SMOC2: variants seen among roughly 807,000 people sequenced by gnomAD.
SMOC2 encodes the protein SPARC related modular calcium binding 2, also known as SPARC-related modular calcium-binding protein 2.
A neutral mutation model predicts 61.4 loss-of-function variants in SMOC2; 39 were observed. The ratio of observed to expected loss-of-function variants is 0.64; its 90% CI spans 0.49 to 0.83. The LOEUF (loss-of-function observed/expected upper bound fraction) is 0.83. Among genes scored for constraint, SMOC2 ranks in the 40% least tolerant of loss-of-function variants. The pLI, the probability that SMOC2 is intolerant of heterozygous loss-of-function variation, is 0.00. For missense variants in SMOC2, 556 were observed against 592.9 expected (o/e 0.94, Z 0.65); for synonymous variants, 247 against 239.9 (o/e 1.03, Z -0.27).
chr6:168,456,030 G>C (rs985151494), intron 1 of SMOC2, among the ~76,000 whole-genome samples: 1 of 152,190 alleles, frequency 6.6e-6, no homozygotes, highest in Middle Eastern at 3.4e-3. Context: ...TCTGACTGCA[G>C]ACGCCTCATA....
chr6:168,543,755 A>C (rs1583096922), intron 5 of SMOC2, 83 bp downstream of exon 5: 1 of 1,299,032 alleles, frequency 7.7e-7, no homozygotes. Flanking sequence ...TAAAGTTGAA[A>C]CATCCACTAG....
intron 1 of SMOC2, among the ~76,000 whole-genome samples, chr6:168,450,271 A>G (rs1413565921): frequency 2.0e-5 from 3 of 152,240 alleles, no homozygotes; most frequent in Non-Finnish European, 4.4e-5. Context: ...GCCAGTCACC[A>G]TAGAGCGAAA....
chr6:168,460,059 C>T (rs1043041192), intron 1 of SMOC2, among the ~76,000 whole-genome samples: 2 of 152,162 alleles, frequency 1.3e-5, no homozygotes, highest in African/African-American at 2.4e-5. Context: ...TCATAGATAA[C>T]GTTTACTTTA....
chr6:168,519,384 T>C (rs1783270950), intron 2 of SMOC2, among the ~76,000 whole-genome samples: 1 of 152,180 alleles, frequency 6.6e-6, no homozygotes, highest in Admixed American at 6.5e-5. Flanking sequence ...GACACAGTTA[T>C]CAGAAGCAAC....
At chr6:168,635,870 C>CAAAAA (rs373754531) in intron 9 of SMOC2, among the ~76,000 whole-genome samples, 4 of 136,962 alleles carry the variant, frequency 2.9e-5, no homozygotes, top group African/African-American at 2.7e-5. Flanking sequence ...GACTCTGTCT[C>CAAAAA]AAAAAAAAAA....
intron 1 of SMOC2, among the ~76,000 whole-genome samples, chr6:168,472,534 TTG>T (rs1385165933): frequency 6.6e-6 from 1 of 152,062 alleles, no homozygotes; most frequent in Non-Finnish European, 1.5e-5. Flanking sequence ...GTATTGGAGA[TTG>T]TAGGATGGGC....
At chr6:168,474,446 A>C (rs1174974985) in intron 1 of SMOC2, among the ~76,000 whole-genome samples, 3 of 151,952 alleles carry the variant, frequency 2.0e-5, no homozygotes. Context: ...CCTCCTTTCC[A>C]GGCTCCAGCT....
chr6:168,444,062 T>C (rs1041579834), intron 1 of SMOC2, among the ~76,000 whole-genome samples: 1 of 152,216 alleles, frequency 6.6e-6, no homozygotes, highest in African/African-American at 2.4e-5. Context: ...ACCGTAATTA[T>C]CAATGCATAT....
At chr6:168,513,520 C>T (rs1583069572) in intron 2 of SMOC2, among the ~76,000 whole-genome samples, 5 of 152,106 alleles carry the variant, frequency 3.3e-5, no homozygotes, top group African/African-American at 1.2e-4. Flanking sequence ...CTCACATAAA[C>T]ACACACAAAC....
In SMOC2 at chr6:168,640,571, C is replaced by T. The variant is rs370001179; in HGVS notation, c.908-10110C>T. Among the ~76,000 whole-genome samples, 37 of 152,258 alleles carry T rather than the reference C, an allele frequency of 2.4e-4. 1 individual carries two copies. The highest frequency in any genetic ancestry group is 7.9e-4 in the African/African-American group (33 of 41,544). ...ATATTTTGAGTTTAGTAAAATGTAA[C>T]CTCACTTGAAATCAATCAAGGACAT... On this transcript the variant is annotated intron_variant, in intron 9 of 12. Coordinates refer to ENST00000356284, the MANE Select transcript of SMOC2 (RefSeq NM_001166412.2).
chr6:168,464,584 C>G (rs1354012644), intron 1 of SMOC2, among the ~76,000 whole-genome samples: 1 of 150,602 alleles, frequency 6.6e-6, no homozygotes, highest in Non-Finnish European at 1.5e-5. Context: ...TTTTAACATA[C>G]TTTCTGCATC....
chr6:168,495,379 G>A (rs894196804), intron 1 of SMOC2, among the ~76,000 whole-genome samples: 13 of 152,316 alleles, frequency 8.5e-5, no homozygotes, highest in Admixed American at 2.6e-4. Flanking sequence ...GACCTTGTCC[G>A]CGGCTCCCGG....
chr6:168,501,925 A>G (rs1166646617), intron 1 of SMOC2, among the ~76,000 whole-genome samples: 1 of 152,202 alleles, frequency 6.6e-6, no homozygotes. Context: ...CTGGCTGCAG[A>G]TACCTCACTC....
chr6:168,524,056 T>C (rs1279102542), intron 2 of SMOC2, among the ~76,000 whole-genome samples: 2 of 152,172 alleles, frequency 1.3e-5, no homozygotes, highest in Non-Finnish European at 1.5e-5. Context: ...GTATCAAGCA[T>C]ATAATGGCTT....
intron 7 of SMOC2, among the ~76,000 whole-genome samples, chr6:168,549,608 G>C (rs1029538023): frequency 1.3e-5 from 2 of 152,156 alleles, no homozygotes; most frequent in African/African-American, 4.8e-5. Flanking sequence ...GGAGGAAGAG[G>C]AGGAGGGGCT....
intron 9 of SMOC2, among the ~76,000 whole-genome samples, chr6:168,630,175 A>C (rs2115246035): frequency 6.6e-6 from 1 of 152,312 alleles, no homozygotes; most frequent in Non-Finnish European, 1.5e-5. Context: ...GGTAGAAAGA[A>C]GACAGGCCCT....
rs758666437 is a variant in SMOC2, at chr6:168,578,331, G to C, written c.638-20487G>C. 2.6e-5 allele frequency among the ~76,000 whole-genome samples: 4 copies of C among 152,210 alleles called. 1 individual carries two copies. Among genetic ancestry groups the C allele is most frequent in the Non-Finnish European group, 5.9e-5 (4 of 68,048 alleles). On this transcript the variant is annotated intron_variant, in intron 7 of 12. Coordinates refer to ENST00000356284, the MANE Select transcript of SMOC2 (RefSeq NM_001166412.2). ...ACATCCTAAGCCTCAGGAAGTCTTAGCAATTATACTTGAATGAGGTCATGA... is the reference window on the plus strand; with the variant it reads ...ACATCCTAAGCCTCAGGAAGTCTTACCAATTATACTTGAATGAGGTCATGA...
intron 9 of SMOC2, among the ~76,000 whole-genome samples, chr6:168,648,832 G>A (rs1787115031): frequency 6.6e-6 from 1 of 152,194 alleles, no homozygotes; most frequent in African/African-American, 2.4e-5. Context: ...TGCTTCAAGA[G>A]CAATCACACA....
chr6:168,550,374 T>C (rs1016314334), intron 7 of SMOC2, among the ~76,000 whole-genome samples: 2 of 152,170 alleles, frequency 1.3e-5, no homozygotes, highest in African/African-American at 2.4e-5. Context: ...TTCAGGAGAC[T>C]AAGAGTGGTT....
Sources: allele counts gnomAD v4.1 joint callset (sites outside exome capture counted in the v4.1 genomes callset), GRCh38; gene constraint gnomAD v4.1.1; transcripts MANE v1.5; gene names NCBI Gene and HGNC (gene_info 2026-07-23, HGNC 2026-07-21).